The following ADAMTS20 variants were observed in gnomAD, a reference collection of about 807,000 sequenced individuals.
ADAMTS20 encodes ADAM metallopeptidase with thrombospondin type 1 motif 20.
In ADAMTS20, 225 loss-of-function variants were observed where a neutral mutation model predicts 260.1. That is an observed-to-expected ratio of 0.87 (90% CI 0.78 to 0.97). ADAMTS20 has a LOEUF of 0.97. Ranked by LOEUF, ADAMTS20 falls within the 50% of genes least tolerant of loss-of-function variation. The pLI, the probability that ADAMTS20 is intolerant of heterozygous loss-of-function variation, is 0.00. For synonymous variants in ADAMTS20, 802 were observed against 769.5 expected, an observed-to-expected ratio of 1.04 and a Z score of -0.70; for missense variants, 2,400 against 2,337.7, an observed-to-expected ratio of 1.03 and a Z score of -0.55.
intron 28 of ADAMTS20, among the ~76,000 whole-genome samples, chr12:43,406,562 T>C (rs1940923480): frequency 6.6e-6 from 1 of 152,066 alleles, no homozygotes; most frequent in African/African-American, 2.4e-5. Flanking sequence ...AACAAAACAC[T>C]ATCATGTGTA....
intron 11 of ADAMTS20, among the ~76,000 whole-genome samples, 170 bp from the exon 12 acceptor site, chr12:43,454,222 C>T (rs1223794574): frequency 6.6e-6 from 1 of 152,160 alleles, no homozygotes; most frequent in Admixed American, 6.5e-5. Flanking sequence ...TTCCTACCTA[C>T]TAAGATCTGT....
intron 29 of ADAMTS20, among the ~76,000 whole-genome samples, chr12:43,397,725 A>G (rs1432651185): frequency 6.6e-6 from 1 of 152,238 alleles, no homozygotes; most frequent in East Asian, 1.9e-4. Context: ...TGAACATTCA[A>G]TATAGAAGCA....
chr12:43,519,015 A>G (rs549564157), intron 3 of ADAMTS20, among the ~76,000 whole-genome samples: 23 of 151,750 alleles, frequency 1.5e-4, no homozygotes, highest in Admixed American at 3.3e-4. Context: ...CTCCTAATTG[A>G]TTTTCTTGCT....
At chr12:43,445,731 AGTTCTAG>A (rs1265749405) in intron 15 of ADAMTS20, among the ~76,000 whole-genome samples, 2 of 151,966 alleles carry the variant, frequency 1.3e-5, no homozygotes, top group Non-Finnish European at 2.9e-5. Flanking sequence ...GAACACCTGT[AGTTCTAG>A]GTACTGGGGA....
At chr12:43,396,059 G>A (rs118116619) in intron 29 of ADAMTS20, among the ~76,000 whole-genome samples, 1,613 of 151,946 alleles carry the variant, frequency 0.011, 16 homozygotes, top group Non-Finnish European at 0.017. Flanking sequence ...GTGGGGGTGG[G>A]GTGGGATTAT....
chr12:43,429,881 G>A (rs1941407372), intron 23 of ADAMTS20, among the ~76,000 whole-genome samples, 157 bp from the exon 24 acceptor site: 1 of 152,112 alleles, frequency 6.6e-6, no homozygotes. Flanking sequence ...ACTAACTACA[G>A]TATCGTCAAG....
intron 28 of ADAMTS20, among the ~76,000 whole-genome samples, chr12:43,409,983 C>A (rs1941001406): frequency 6.6e-6 from 1 of 152,130 alleles, no homozygotes; most frequent in East Asian, 1.9e-4. Context: ...ATAGGCAATG[C>A]CTTAAAAATT....
chr12:43,407,485 T>C (rs925569103), intron 28 of ADAMTS20, among the ~76,000 whole-genome samples: 1 of 151,660 alleles, frequency 6.6e-6, no homozygotes, highest in Non-Finnish European at 1.5e-5. Flanking sequence ...TAATTTACTA[T>C]AATTATTAAT....
chr12:43,518,630 C>T (rs1943030001), intron 3 of ADAMTS20, among the ~76,000 whole-genome samples: 1 of 151,946 alleles, frequency 6.6e-6, no homozygotes, highest in Non-Finnish European at 1.5e-5. Context: ...TTATCTCAAG[C>T]CTAAACCCCT....
At chr12:43,532,568 T>A (rs1222662358) in intron 2 of ADAMTS20, among the ~76,000 whole-genome samples, 3 of 138,632 alleles carry the variant, frequency 2.2e-5, no homozygotes, top group Non-Finnish European at 4.8e-5. Context: ...TTTTTTTTTA[T>A]TATACTCTAA....
chr12:43,431,965 C>T (rs567174473), intron 21 of ADAMTS20, among the ~76,000 whole-genome samples: 5 of 151,888 alleles, frequency 3.3e-5, no homozygotes, highest in South Asian at 2.1e-4. Flanking sequence ...TGATACTCCA[C>T]GTCCCAGACT....
intron 9 of ADAMTS20, among the ~76,000 whole-genome samples, chr12:43,465,953 A>T (rs1436049579): frequency 6.6e-6 from 1 of 152,114 alleles, no homozygotes; most frequent in Non-Finnish European, 1.5e-5. Context: ...ATACATCCAT[A>T]GAAGAAGTGA....
At chr12:43,538,827 AAC>A (rs551566604) in intron 2 of ADAMTS20, among the ~76,000 whole-genome samples, 1 of 152,294 alleles carries the variant, frequency 6.6e-6, no homozygotes, top group South Asian at 2.1e-4. Flanking sequence ...CATTGCCTGA[AAC>A]ACAGCAGGCA....
At chr12:43,423,003 G>A (rs903178700) in intron 28 of ADAMTS20, 1 of 152,066 alleles carries the variant, frequency 6.6e-6, no homozygotes, top group African/African-American at 2.4e-5. Context: ...ACCTTAAAAT[G>A]TAAAATATCA....
chr12:43,427,792 TACTTA>T (rs747447397), intron 26 of ADAMTS20, among the ~76,000 whole-genome samples: 5 of 152,222 alleles, frequency 3.3e-5, no homozygotes, highest in Admixed American at 1.3e-4. Context: ...AGTATTAAAT[TACTTA>T]ACTTTACACT....
chr12:43,550,844 C>T, intron 2 of ADAMTS20, 65 bp downstream of exon 2: 3 of 1,456,892 alleles, frequency 2.1e-6, no homozygotes, highest in Non-Finnish European at 2.7e-6. Flanking sequence ...ACCCAAGGCC[C>T]CGTTCGCTGA....
At chr12:43,519,680 T>C (rs1943045567) in intron 3 of ADAMTS20, among the ~76,000 whole-genome samples, 1 of 152,178 alleles carries the variant, frequency 6.6e-6, no homozygotes, top group Admixed American at 6.6e-5. Context: ...CCGGCACACC[T>C]ACCCCATGGT....
intron 14 of ADAMTS20, among the ~76,000 whole-genome samples, chr12:43,448,506 A>C (rs1217701302): frequency 6.6e-6 from 1 of 152,222 alleles, no homozygotes; most frequent in African/African-American, 2.4e-5. Flanking sequence ...TGGATTAAAG[A>C]CTTCAATGTA....
intron 28 of ADAMTS20, among the ~76,000 whole-genome samples, chr12:43,403,898 A>T (rs1160465847): frequency 6.6e-6 from 1 of 152,060 alleles, no homozygotes; most frequent in Non-Finnish European, 1.5e-5. Flanking sequence ...TCAAGTCATC[A>T]TATCATTGCA....
Sources: allele counts gnomAD v4.1 joint callset (sites outside exome capture counted in the v4.1 genomes callset), GRCh38; gene constraint gnomAD v4.1.1; transcripts MANE v1.5; gene names NCBI Gene and HGNC (gene_info 2026-07-23, HGNC 2026-07-21).